The following SMIM38 variants were observed in gnomAD, a reference collection of about 807,000 sequenced individuals.
SMIM38 encodes small integral membrane protein 38.
chr11:69,159,262 G>A lies in SMIM38; in HGVS notation c.*1260G>A, dbSNP rs1048403195. On this transcript the variant is annotated 3_prime_UTR_variant, in exon 2 of 3. Transcript: ENST00000686237. ...TGGTGGTTCCAGGGCTGGTGTTGCT[G>A]ACTGGGACGAGTGGACCCCCAGGGT... The A allele has an allele frequency of 2.6e-5, 4 of 152,360 alleles. No individual in the cohort carries two copies. Among genetic ancestry groups the A allele is most frequent in the African/African-American group, 9.7e-5 (4 of 41,436 alleles). The allele number at this position is 152,360 out of a possible 1,614,324, so 9.4% of individuals were successfully genotyped here.
chr11:69,156,436 G>A (rs1465998760), intron 1 of SMIM38, among the ~76,000 whole-genome samples: 1 of 152,228 alleles, frequency 6.6e-6, no homozygotes, highest in Non-Finnish European at 1.5e-5. Flanking sequence ...TGGAGTTAGA[G>A]GGGGCAGTTC....
Position 69,160,533 on chromosome 11 carries a change from C to T in SMIM38, c.*2437C>T, listed in dbSNP as rs1857043963. The T allele has an allele frequency of 6.6e-6, 1 of 152,208 alleles. No individual in the cohort carries two copies. Among genetic ancestry groups the T allele is most frequent in the Non-Finnish European group, 1.5e-5 (1 of 68,058 alleles). The allele number at this position is 152,208 out of a possible 1,614,324, so 9.4% of individuals were successfully genotyped here. A position where few individuals can be genotyped will look rare whatever the true frequency, so the allele number is the denominator to read the frequency against. ...CTGGAGCCAGGGGTCAGAACAGACT[C>T]CTCTACTGGGACTGCCTGGCAGGGA... is the stretch of plus-strand genomic sequence containing the variant. On this transcript the variant is annotated 3_prime_UTR_variant, in exon 3 of 3. Transcript: ENST00000686237.
At chr11:69,156,671 GC>G (rs1856991520) in intron 1 of SMIM38, among the ~76,000 whole-genome samples, 1 of 152,170 alleles carries the variant, frequency 6.6e-6, no homozygotes, top group African/African-American at 2.4e-5. Flanking sequence ...AGATGTGGAG[GC>G]CTTTCTGAAG....
In SMIM38 at chr11:69,158,535, G is replaced by A. The variant is rs1406956856; in HGVS notation, c.*533G>A. On this transcript the variant is annotated 3_prime_UTR_variant, in exon 2 of 3. Transcript: ENST00000686237. ...GAGCAGACCCCTGGGAAGGGTCTCA[G>A]GACGCACTTGTGAGGCTGAGTTGAC... 1 of 152,330 alleles carries A rather than the reference G, an allele frequency of 6.6e-6. No individual in the cohort carries two copies. The highest frequency in any genetic ancestry group is 1.5e-5 in the Non-Finnish European group (1 of 68,114). The allele number at this position is 152,330 out of a possible 1,614,324, so 9.4% of individuals were successfully genotyped here. A position where few individuals can be genotyped will look rare whatever the true frequency, so the allele number is the denominator to read the frequency against.
Position 69,159,269 on chromosome 11 carries a change from A to G in SMIM38, c.*1267A>G, listed in dbSNP as rs553733891. On this transcript the variant is annotated 3_prime_UTR_variant, in exon 2 of 3. Coordinates refer to ENST00000686237, the MANE Select transcript of SMIM38 (RefSeq NM_001369201.2). ...TCCAGGGCTGGTGTTGCTGACTGGG[A>G]CGAGTGGACCCCCAGGGTGGGCATG... The G allele has an allele frequency of 2.0e-5, 3 of 152,348 alleles. No individual in the cohort carries two copies. Among genetic ancestry groups the G allele is most frequent in the African/African-American group, 7.2e-5 (3 of 41,506 alleles). 9.4% of individuals were successfully genotyped at this position (152,348 alleles called of 1,614,324 possible). A position where few individuals can be genotyped will look rare whatever the true frequency, so the allele number is the denominator to read the frequency against.
rs1857010782 is a variant in SMIM38 at position 69,157,971 on chromosome 11, A to C, written c.125A>C (p.Gln42Pro). The C allele has an allele frequency of 2.5e-6, 1 of 398,700 alleles. No homozygotes were observed. The highest frequency in any genetic ancestry group is 4.4e-6 in the Non-Finnish European group (1 of 226,290). 24.7% of individuals were successfully genotyped at this position (398,700 alleles called of 1,614,324 possible). ...LGTYIDYRLA[Q>P]RRPQKPKQD ...ACCTACATCGACTACAGACTGGCCC[A>C]GCGGCGGCCCCAGAAACCCAAGCAG... Residue 42 changes from glutamine to proline, a missense_variant, in exon 2 of 3, where the codon CAG becomes CCG. Coordinates refer to ENST00000686237, the MANE Select transcript of SMIM38 (RefSeq NM_001369201.2).
upstream of SMIM38, chr11:69,155,763 C>A (rs1317288012): frequency 6.6e-6 from 1 of 152,258 alleles, no homozygotes; most frequent in African/African-American, 2.4e-5. Flanking sequence ...GGGACCCTCA[C>A]CCCACGTGCG....
rs1857028942 is a variant in SMIM38, at chr11:69,159,282, C to T, written c.*1280C>T. On this transcript the variant is annotated 3_prime_UTR_variant, in exon 2 of 3. Coordinates refer to ENST00000686237, the MANE Select transcript of SMIM38 (RefSeq NM_001369201.2). ...TTGCTGACTGGGACGAGTGGACCCC[C>T]AGGGTGGGCATGGAGTGGGGCACTG... 1 of 152,354 alleles carries T rather than the reference C, an allele frequency of 6.6e-6. No individual in the cohort carries two copies. The highest frequency in any genetic ancestry group is 1.5e-5 in the Non-Finnish European group (1 of 68,192). The allele number at this position is 152,354 out of a possible 1,614,324, so 9.4% of individuals were successfully genotyped here. A position where few individuals can be genotyped will look rare whatever the true frequency, so the allele number is the denominator to read the frequency against.
In SMIM38 at chr11:69,161,587, G is replaced by T. The variant is rs1346797220; in HGVS notation, c.*3491G>T. The stretch of plus-strand genomic sequence containing the variant: ...CCTAAGAAAATGTTTTAATAAGGAA[G>T]TCCAAGGCTGAGACAGACATGCTCC... On this transcript the variant is annotated 3_prime_UTR_variant, in exon 3 of 3. Transcript: ENST00000686237. 6.6e-6 allele frequency: 1 copy of T among 152,232 alleles called. No homozygotes were observed. Among genetic ancestry groups the T allele is most frequent in the African/African-American group, 2.4e-5 (1 of 41,458 alleles). The allele number at this position is 152,232 out of a possible 1,614,324, so 9.4% of individuals were successfully genotyped here.
intron 1 of SMIM38, 105 bp from the exon 2 acceptor site, chr11:69,157,069 C>T (rs1032863880): frequency 6.6e-6 from 1 of 152,382 alleles, no homozygotes; most frequent in African/African-American, 2.4e-5. Flanking sequence ...CATCAGAGGC[C>T]CAGAGCGCGG....
rs1857015335 is a variant in SMIM38 at position 69,158,225 on chromosome 11, G to C, written c.*223G>C. 2.6e-6 allele frequency: 1 copy of C among 377,808 alleles called. No individual in the cohort carries two copies. Among genetic ancestry groups the C allele is most frequent in the Admixed American group, 4.6e-5 (1 of 21,962 alleles). 23.4% of individuals were successfully genotyped at this position (377,808 alleles called of 1,614,324 possible). On this transcript the variant is annotated 3_prime_UTR_variant, in exon 2 of 3. Coordinates refer to ENST00000686237, the MANE Select transcript of SMIM38 (RefSeq NM_001369201.2). ...GGGAGATGGAGGGGCCGGCCTTGCA[G>C]GTCCATCACCAGGTTCTGGGGTCCC...
Position 69,157,438 on chromosome 11 carries a change from C to T in SMIM38, c.-409C>T, listed in dbSNP as rs1340482535. Reference sequence around the variant, plus strand: ...TGTTTGCAGATTACGTCAGCGCTGGCGAGCAGGGGGCGCGGGGACAGCGAG... The same window carrying T: ...TGTTTGCAGATTACGTCAGCGCTGGTGAGCAGGGGGCGCGGGGACAGCGAG... On this transcript the variant is annotated 5_prime_UTR_variant, in exon 2 of 3. Transcript: ENST00000686237. 6.2e-6 allele frequency: 1 copy of T among 161,216 alleles called. No individual in the cohort carries two copies. The allele number at this position is 161,216 out of a possible 1,614,324, so 10.0% of individuals were successfully genotyped here. A position where few individuals can be genotyped will look rare whatever the true frequency, so the allele number is the denominator to read the frequency against.
rs1857008500 is a variant in SMIM38 at position 69,157,819 on chromosome 11, C to T, written c.-28C>T. 5.0e-6 allele frequency: 2 copies of T among 398,840 alleles called. No homozygotes were observed. Among genetic ancestry groups the T allele is most frequent in the Admixed American group, 8.8e-5 (2 of 22,742 alleles). The allele number at this position is 398,840 out of a possible 1,614,324, so 24.7% of individuals were successfully genotyped here. The stretch of plus-strand genomic sequence containing the variant: ...CATCTCGGTTCCAGGGCAGAGGCTG[C>T]TGCTGCCCTTTGGGGCTGACTTCAG... On this transcript the variant is annotated 5_prime_UTR_variant, in exon 2 of 3. Transcript: ENST00000686237.
rs1857057305 is a variant in SMIM38, at chr11:69,161,943, G to GAT, written c.*3848_*3849insTA. On this transcript the variant is annotated 3_prime_UTR_variant, in exon 3 of 3. Coordinates refer to ENST00000686237, the MANE Select transcript of SMIM38 (RefSeq NM_001369201.2). Reference sequence around the variant, plus strand: ...AATCAGAGGAGGAGATTAGGACCCAGACACACACACACACACAGAGCCAGG... The same window carrying GAT: ...AATCAGAGGAGGAGATTAGGACCCAGATACACACACACACACACAGAGCCAGG... 2 of 151,106 alleles carry GAT rather than the reference G, an allele frequency of 1.3e-5. No individual in the cohort carries two copies. The highest frequency in any genetic ancestry group is 3.9e-4 in the East Asian group (2 of 5,150). The allele number at this position is 151,106 out of a possible 1,614,324, so 9.4% of individuals were successfully genotyped here. A position where few individuals can be genotyped will look rare whatever the true frequency, so the allele number is the denominator to read the frequency against.
upstream of SMIM38, chr11:69,155,886 C>T (rs1036490299): frequency 2.0e-5 from 3 of 152,284 alleles, no homozygotes; most frequent in Middle Eastern, 3.1e-3. Context: ...AGCTAACTCC[C>T]CACCCACGTT....
rs1326041818 is a variant in SMIM38 at position 69,157,797 on chromosome 11, C to G, written c.-50C>G. The stretch of plus-strand genomic sequence containing the variant: ...CTAGGGTGGCAGGGCCCCACTGCAT[C>G]TCGGTTCCAGGGCAGAGGCTGCTGC... On this transcript the variant is annotated 5_prime_UTR_variant, in exon 2 of 3. In the 5' UTR this introduces an upstream ATG that the reference lacks. Transcript: ENST00000686237. 5.0e-6 allele frequency: 2 copies of G among 398,654 alleles called. No individual in the cohort carries two copies. The highest frequency in any genetic ancestry group is 8.8e-6 in the Non-Finnish European group (2 of 226,222). 24.7% of individuals were successfully genotyped at this position (398,654 alleles called of 1,614,324 possible).
chr11:69,160,187 T>A lies in SMIM38; in HGVS notation c.*2091T>A, dbSNP rs1857038744. ...GCCAGAATCCTGGGACTTCATCATC[T>A]TTTTTTTTTTTTTTTTTGAGATGGA... On this transcript the variant is annotated 3_prime_UTR_variant, in exon 3 of 3. Coordinates refer to ENST00000686237, the MANE Select transcript of SMIM38 (RefSeq NM_001369201.2). 5 of 43,360 alleles carry A rather than the reference T, an allele frequency of 1.2e-4. No individual in the cohort carries two copies. Among genetic ancestry groups the A allele is most frequent in the Admixed American group, 6.7e-4 (4 of 6,004 alleles). 2.7% of individuals were successfully genotyped at this position (43,360 alleles called of 1,614,324 possible).
rs1011562802 is a variant in SMIM38 at position 69,158,218 on chromosome 11, C to T, written c.*216C>T. 5.3e-6 allele frequency: 2 copies of T among 380,172 alleles called. No individual in the cohort carries two copies. The highest frequency in any genetic ancestry group is 2.1e-5 in the African/African-American group (1 of 48,244). The allele number at this position is 380,172 out of a possible 1,614,324, so 23.5% of individuals were successfully genotyped here. A position where few individuals can be genotyped will look rare whatever the true frequency, so the allele number is the denominator to read the frequency against. ...CCATGTGGGGAGATGGAGGGGCCGG[C>T]CTTGCAGGTCCATCACCAGGTTCTG... On this transcript the variant is annotated 3_prime_UTR_variant, in exon 2 of 3. Transcript: ENST00000686237.
At chr11:69,155,813 C>G (rs975619775), upstream of SMIM38, 3 of 152,270 alleles carry the variant, frequency 2.0e-5, no homozygotes, top group African/African-American at 7.2e-5. Flanking sequence ...TTTCCCTGGC[C>G]TTCTGGAAGT....
Sources: allele counts gnomAD v4.1 joint callset (sites outside exome capture counted in the v4.1 genomes callset), GRCh38; gene constraint gnomAD v4.1.1; transcripts MANE v1.5; gene names NCBI Gene and HGNC (gene_info 2026-07-23, HGNC 2026-07-21).